ITGAV: variants seen among roughly 807,000 people sequenced by gnomAD.
ITGAV encodes integrin alpha-V.
ITGAV carries 76 observed loss-of-function variants against 143.8 expected under a neutral mutation model. The observed-to-expected ratio is 0.53, with a 90% confidence interval of 0.44 to 0.64. The LOEUF is 0.64. Among genes scored for constraint, ITGAV ranks in the 30% least tolerant of loss-of-function variants. ITGAV has a pLI of 0.00. For missense variants in ITGAV, 1,193 were observed against 1,274.7 expected (o/e 0.94, Z 0.98); for synonymous variants, 453 against 446.7 (o/e 1.01, Z -0.18).
chr2:186,607,821 ATTGC>A (rs1020802933), intron 2 of ITGAV, among the ~76,000 whole-genome samples: 5 of 152,142 alleles, frequency 3.3e-5, no homozygotes, highest in Non-Finnish European at 7.4e-5. Flanking sequence ...ACTAGGTATC[ATTGC>A]TTATGCTAAA....
chr2:186,652,595 T>G (rs1452220743), intron 15 of ITGAV, among the ~76,000 whole-genome samples: 1 of 152,186 alleles, frequency 6.6e-6, no homozygotes, highest in African/African-American at 2.4e-5. Context: ...TGAAATTAAT[T>G]TTTAAAGAAT....
At chr2:186,618,252 C>T (rs1222344081) in intron 2 of ITGAV, among the ~76,000 whole-genome samples, 1 of 152,214 alleles carries the variant, frequency 6.6e-6, no homozygotes, top group Non-Finnish European at 1.5e-5. Flanking sequence ...AAGATGGTAA[C>T]ATGAGGTTGT....
rs1273168379 is a variant in ITGAV, at chr2:186,662,684, A to T, written c.1858-1084A>T. ...GCTAAAAGTATATAATACATTCTGG[A>T]TTTTGAAGACAGTAAGAAACAGAAT... On this transcript the variant is annotated intron_variant, in intron 18 of 29. Coordinates refer to ENST00000261023, the MANE Select transcript of ITGAV (RefSeq NM_002210.5). Among the ~76,000 whole-genome samples, 6 of 152,312 alleles carry T rather than the reference A, an allele frequency of 3.9e-5. No individual in the cohort carries two copies. The South Asian group carries it at 1.2e-3, about 32-fold the overall frequency.
At chr2:186,660,928 CTT>C (rs34291516) in intron 18 of ITGAV, among the ~76,000 whole-genome samples, 3 of 152,132 alleles carry the variant, frequency 2.0e-5, no homozygotes, top group African/African-American at 4.8e-5. Flanking sequence ...GTCCTAATCT[CTT>C]TTTAAGCATC....
At chr2:186,656,422 T>C (rs772947355) in intron 17 of ITGAV, 21 bp downstream of exon 17, 12 of 1,447,734 alleles carry the variant, frequency 8.3e-6, no homozygotes, top group Admixed American at 5.7e-5. Context: ...ACTTTTCTGC[T>C]ACCTTGTTGT....
At chr2:186,599,360 A>G (rs1379818682) in intron 1 of ITGAV, among the ~76,000 whole-genome samples, 1 of 152,192 alleles carries the variant, frequency 6.6e-6, no homozygotes, top group Admixed American at 6.5e-5. Context: ...CCCTGGCTGA[A>G]TAACCCCAAC....
chr2:186,649,010 GTGTGTATATATATACACATT>G (rs1175046791), intron 13 of ITGAV, among the ~76,000 whole-genome samples: 1 of 44,752 alleles, frequency 2.2e-5, no homozygotes, highest in African/African-American at 8.5e-5. Context: ...ATACACATTT[GTGTGTATATATATACACATT>G]TGTGTGTATA....
chr2:186,655,406 G>A (rs939051919), intron 16 of ITGAV, among the ~76,000 whole-genome samples: 1 of 152,178 alleles, frequency 6.6e-6, no homozygotes, highest in African/African-American at 2.4e-5. Flanking sequence ...AAATAAGGGA[G>A]CTATGGGATG....
rs61763633 is a variant in ITGAV, at chr2:186,625,813, C to T, written c.523+226C>T. Among the ~76,000 whole-genome samples the T allele has an allele frequency of 8.0e-3, 1,222 of 152,130 alleles. 8 individuals carry two copies. The highest frequency in any genetic ancestry group is 0.014 in the Middle Eastern group (4 of 294). On this transcript the variant is annotated intron_variant, in intron 4 of 29. Coordinates refer to ENST00000261023, the MANE Select transcript of ITGAV (RefSeq NM_002210.5). ...CTAAGAACTCATTTTCATCTTCCTT[C>T]GTTAGTATAATAATAGTTACTACCT...
rs61763151 is a variant in ITGAV at position 186,665,238 on chromosome 2, C to T, written c.2166+20C>T. 2.2e-4 allele frequency: 329 copies of T among 1,471,478 alleles called. 2 individuals are homozygous for T. The highest frequency in any genetic ancestry group is 1.2e-3 in the South Asian group (101 of 87,258). The allele number at this position is 1,471,478 out of a possible 1,614,324, so 91.2% of individuals were successfully genotyped here. A position where few individuals can be genotyped will look rare whatever the true frequency, so the allele number is the denominator to read the frequency against. On this transcript the variant is annotated intron_variant, in intron 21 of 29. Transcript: ENST00000261023. ...ACTCAAGTAAGACAATTTAATTAAACGGATTTTTCTCCCTGGCAAATAGAA... is the reference window on the plus strand; with the variant it reads ...ACTCAAGTAAGACAATTTAATTAAATGGATTTTTCTCCCTGGCAAATAGAA...
At chr2:186,635,210 C>T (rs985243064) in intron 6 of ITGAV, among the ~76,000 whole-genome samples, 2 of 152,058 alleles carry the variant, frequency 1.3e-5, no homozygotes, top group Non-Finnish European at 2.9e-5. Flanking sequence ...AGATGTCACC[C>T]TGGATAAGTA....
intron 12 of ITGAV, among the ~76,000 whole-genome samples, chr2:186,645,785 G>A (rs1389779733): frequency 2.0e-5 from 3 of 151,838 alleles, no homozygotes; most frequent in African/African-American, 7.3e-5. Flanking sequence ...GGCTAACACC[G>A]TGAAACCCCG....
chr2:186,633,614 A>G (rs1444542001), intron 6 of ITGAV, among the ~76,000 whole-genome samples: 12 of 151,370 alleles, frequency 7.9e-5, no homozygotes. Context: ...ACATACTTTT[A>G]TGTTAAATAT....
At chr2:186,673,318 A>G (rs1305275899) in intron 26 of ITGAV, among the ~76,000 whole-genome samples, 2 of 152,238 alleles carry the variant, frequency 1.3e-5, no homozygotes, top group African/African-American at 2.4e-5. Flanking sequence ...TTTGATTACC[A>G]TAGCTCTGGA....
At chr2:186,634,401 GAA>G (rs1473278623) in intron 6 of ITGAV, among the ~76,000 whole-genome samples, 1 of 152,140 alleles carries the variant, frequency 6.6e-6, no homozygotes, top group Non-Finnish European at 1.5e-5. Context: ...GGATTGATTT[GAA>G]AGTTTCAAAT....
chr2:186,675,565 A>C, intron 26 of ITGAV, 39 bp from the exon 27 acceptor site: 1 of 1,487,522 alleles, frequency 6.7e-7, no homozygotes, highest in Non-Finnish European at 9.4e-7. Flanking sequence ...GAGATGATAG[A>C]ATGACCTTTT....
Position 186,680,265 on chromosome 2 carries a change from A to G in ITGAV, c.*2973A>G, listed in dbSNP as rs1223381787. 1 of 152,288 alleles carries G rather than the reference A, an allele frequency of 6.6e-6. No individual in the cohort carries two copies. Among genetic ancestry groups the G allele is most frequent in the Non-Finnish European group, 1.5e-5 (1 of 67,984 alleles). The allele number at this position is 152,288 out of a possible 1,614,324, so 9.4% of individuals were successfully genotyped here. On this transcript the variant is annotated 3_prime_UTR_variant, in exon 30 of 30. Coordinates refer to ENST00000261023, the MANE Select transcript of ITGAV (RefSeq NM_002210.5). ...AAAAACACCTAAAATTTGAAAAATG[A>G]TTGTAGGATCAAAAAAGGCAGATGA...
chr2:186,607,071 A>G (rs1268140813), intron 2 of ITGAV, among the ~76,000 whole-genome samples: 1 of 152,076 alleles, frequency 6.6e-6, no homozygotes, highest in African/African-American at 2.4e-5. Flanking sequence ...ATGGGCTCAA[A>G]TCTAGCCTCT....
Position 186,590,130 on chromosome 2 carries a change from G to A in ITGAV, c.-209G>A, listed in dbSNP as rs61763605. 2.5e-5 allele frequency: 11 copies of A among 431,548 alleles called. No individual in the cohort carries two copies. The East Asian group carries it at 3.8e-4, about 15-fold the overall frequency. The allele number at this position is 431,548 out of a possible 1,614,324, so 26.7% of individuals were successfully genotyped here. On this transcript the variant is annotated 5_prime_UTR_variant, in exon 1 of 30. Coordinates refer to ENST00000261023, the MANE Select transcript of ITGAV (RefSeq NM_002210.5). ...AAGGACCGTCTGCGCTGCTGTCCCC[G>A]CCCCGCGCGCTCTGCGCCCCTCGTC...
Sources: allele counts gnomAD v4.1 joint callset (sites outside exome capture counted in the v4.1 genomes callset), GRCh38; gene constraint gnomAD v4.1.1; transcripts MANE v1.5; gene names NCBI Gene and HGNC (gene_info 2026-07-23, HGNC 2026-07-21).